Variants in FUT9 observed in about 807,000 individuals in gnomAD.
The protein encoded by FUT9 is fucosyltransferase 9.
In FUT9, 15 loss-of-function variants were observed where a neutral mutation model predicts 29.7. The observed-to-expected ratio is 0.51, with a 90% CI of 0.34 to 0.78. FUT9 has a LOEUF of 0.78. Ranked by LOEUF, FUT9 falls within the 30% of genes least tolerant of loss-of-function variation. The pLI is 0.01. For missense variants in FUT9, 319 were observed against 425.4 expected (o/e 0.75, Z 2.20); for synonymous variants, 169 against 153.7 (o/e 1.10, Z -0.74).
At chr6:96,152,082 A>G (rs1037543288) in intron 2 of FUT9, among the ~76,000 whole-genome samples, 1 of 152,198 alleles carries the variant, frequency 6.6e-6, no homozygotes, top group East Asian at 1.9e-4. Flanking sequence ...ATTTTTACAT[A>G]GGGAGAGATC....
rs9499261 is a variant in FUT9, at chr6:96,133,283, A to G, written c.-9+19156A>G. On this transcript the variant is annotated intron_variant, in intron 2 of 2. Coordinates refer to ENST00000302103, the MANE Select transcript of FUT9 (RefSeq NM_006581.4). ...AAAAAAATAGCCCTAGAAAGGTGGA[A>G]CTTTTAAGAAATTTTCCATAACCAG... 5.7e-3 allele frequency among the ~76,000 whole-genome samples: 866 copies of G among 152,120 alleles called. 9 individuals carry two copies. Among genetic ancestry groups the G allele is most frequent in the African/African-American group, 0.019 (805 of 41,538 alleles).
Position 96,058,468 on chromosome 6 carries a change from CA to C in FUT9, c.-98+42274del, listed in dbSNP as rs3079049. 2.9e-3 allele frequency among the ~76,000 whole-genome samples: 223 copies of C among 77,170 alleles called. 1 individual carries two copies. Among genetic ancestry groups the C allele is most frequent in the South Asian group, 9.6e-3 (17 of 1,774 alleles). The allele number at this position is 77,170 out of a possible 152,430, so 50.6% of individuals were successfully genotyped here. A position where few individuals can be genotyped will look rare whatever the true frequency, so the allele number is the denominator to read the frequency against. ...AAAGACTGGGAACCTGGCTTTATTC[CA>C]AAAAAAAAAAAAAAAAAGCCAGAAA... On this transcript the variant is annotated intron_variant, in intron 1 of 2. Transcript: ENST00000302103.
At chr6:96,108,623 T>C (rs1030897995) in intron 1 of FUT9, among the ~76,000 whole-genome samples, 4 of 152,134 alleles carry the variant, frequency 2.6e-5, no homozygotes, top group Non-Finnish European at 5.9e-5. Flanking sequence ...ATGTCTTCCA[T>C]TACACTCTCT....
chr6:96,051,012 C>CTG (rs57618987), intron 1 of FUT9, among the ~76,000 whole-genome samples: 2,670 of 149,636 alleles, frequency 0.018, 41 homozygotes, highest in African/African-American at 0.038. Context: ...CTCTCTCTCT[C>CTG]TGTGTGTGTG....
chr6:96,093,272 T>C (rs962084064), intron 1 of FUT9, among the ~76,000 whole-genome samples: 6 of 152,188 alleles, frequency 3.9e-5, no homozygotes, highest in African/African-American at 1.4e-4. Context: ...ACTAAATTGG[T>C]GAATGAATTG....
intron 2 of FUT9, among the ~76,000 whole-genome samples, chr6:96,184,960 A>G (rs1773378314): frequency 6.6e-6 from 1 of 152,038 alleles, no homozygotes; most frequent in African/African-American, 2.4e-5. Context: ...AGTAGCTCAT[A>G]GATAGAAATG....
chr6:96,100,696 A>G (rs1771573289), intron 1 of FUT9, among the ~76,000 whole-genome samples: 1 of 152,222 alleles, frequency 6.6e-6, no homozygotes, highest in Admixed American at 6.5e-5. Context: ...TAGAATTTGA[A>G]GAACCCCCTT....
At chr6:96,189,612 T>C (rs1198513439) in intron 2 of FUT9, among the ~76,000 whole-genome samples, 1 of 152,150 alleles carries the variant, frequency 6.6e-6, no homozygotes, top group Non-Finnish European at 1.5e-5. Flanking sequence ...CATATGTATT[T>C]AGGATAGTTA....
At chr6:96,030,840 G>A (rs771961215) in intron 1 of FUT9, among the ~76,000 whole-genome samples, 1 of 151,308 alleles carries the variant, frequency 6.6e-6, no homozygotes, top group Non-Finnish European at 1.5e-5. Context: ...CACTCAAAAG[G>A]CTACATGCTG....
chr6:96,209,886 C>G lies in FUT9; in HGVS notation c.*5651C>G, dbSNP rs368926824. On this transcript the variant is annotated 3_prime_UTR_variant, in exon 3 of 3. Coordinates refer to ENST00000302103, the MANE Select transcript of FUT9 (RefSeq NM_006581.4). ...AATTTCTTCAAATAATCCATGCCCC[C>G]CCGTCACCCAAAAAAAGAGCATGCT... 1.2e-5 allele frequency: 2 copies of G among 166,518 alleles called. No individual in the cohort carries two copies. The highest frequency in any genetic ancestry group is 2.4e-5 in the African/African-American group (1 of 41,380). 10.3% of individuals were successfully genotyped at this position (166,518 alleles called of 1,614,324 possible). A position where few individuals can be genotyped will look rare whatever the true frequency, so the allele number is the denominator to read the frequency against.
At chr6:96,069,153 A>G (rs1052203547) in intron 1 of FUT9, among the ~76,000 whole-genome samples, 1 of 152,048 alleles carries the variant, frequency 6.6e-6, no homozygotes, top group Admixed American at 6.6e-5. Context: ...CATCTCTACT[A>G]AAAATACAAA....
At position 96,208,441 on chromosome 6, in the gene FUT9, C is replaced by T. The variant is rs1386742214; in HGVS notation, c.*4206C>T. The T allele has an allele frequency of 6.0e-6, 1 of 166,654 alleles. No individual in the cohort carries two copies. Among genetic ancestry groups the T allele is most frequent in the Non-Finnish European group, 1.5e-5 (1 of 67,998 alleles). 10.3% of individuals were successfully genotyped at this position (166,654 alleles called of 1,614,324 possible). On this transcript the variant is annotated 3_prime_UTR_variant, in exon 3 of 3. Coordinates refer to ENST00000302103, the MANE Select transcript of FUT9 (RefSeq NM_006581.4). ...TGTTAAATATAACAAACATCAGAATCTAAAGGATAAGCACAGTGCCTAATG... is the reference window on the plus strand; with the variant it reads ...TGTTAAATATAACAAACATCAGAATTTAAAGGATAAGCACAGTGCCTAATG...
intron 1 of FUT9, among the ~76,000 whole-genome samples, chr6:96,038,947 C>T (rs887061138): frequency 9.9e-5 from 15 of 152,082 alleles, no homozygotes; most frequent in Admixed American, 6.6e-4. Flanking sequence ...CAGGTGTCAC[C>T]TCTTCCAGGA....
intron 2 of FUT9, among the ~76,000 whole-genome samples, chr6:96,180,907 A>G (rs1371546297): frequency 1.4e-5 from 2 of 146,966 alleles, no homozygotes; most frequent in Non-Finnish European, 3.0e-5. Context: ...GACTTAAGCA[A>G]ATGCTCCCAA....
chr6:96,210,481 A>G lies in FUT9; in HGVS notation c.*6246A>G, dbSNP rs1773917059. 6.0e-6 allele frequency: 1 copy of G among 166,768 alleles called. No homozygotes were observed. The highest frequency in any genetic ancestry group is 2.1e-4 in the South Asian group (1 of 4,834). 10.3% of individuals were successfully genotyped at this position (166,768 alleles called of 1,614,324 possible). A position where few individuals can be genotyped will look rare whatever the true frequency, so the allele number is the denominator to read the frequency against. On this transcript the variant is annotated 3_prime_UTR_variant, in exon 3 of 3. Transcript: ENST00000302103. ...AGAGCTGATCTATTTAGTTTGAGGA[A>G]GAGCCCAGAAGTCTAACAGGTGTAA...
At chr6:96,072,099 G>T (rs1044373751) in intron 1 of FUT9, among the ~76,000 whole-genome samples, 3 of 152,086 alleles carry the variant, frequency 2.0e-5, no homozygotes, top group Admixed American at 6.6e-5. Flanking sequence ...AAGAAGAAAA[G>T]AAAAGAAATA....
chr6:96,100,679 C>T (rs1003995187), intron 1 of FUT9, among the ~76,000 whole-genome samples: 4 of 152,044 alleles, frequency 2.6e-5, no homozygotes, highest in Non-Finnish European at 5.9e-5. Context: ...GAAGTGAAGA[C>T]GCAGGTTAGA....
chr6:96,121,939 C>A (rs1211739389), intron 2 of FUT9, among the ~76,000 whole-genome samples: 3 of 151,964 alleles, frequency 2.0e-5, no homozygotes, highest in African/African-American at 7.2e-5. Flanking sequence ...ATATTTAGAG[C>A]TTACACTGAA....
intron 2 of FUT9, among the ~76,000 whole-genome samples, chr6:96,153,883 A>T (rs990976308): frequency 1.3e-5 from 2 of 152,218 alleles, no homozygotes; most frequent in African/African-American, 4.8e-5. Flanking sequence ...TTTGCTAAGT[A>T]ATGGCCAGCA....
Sources: allele counts gnomAD v4.1 joint callset (sites outside exome capture counted in the v4.1 genomes callset), GRCh38; gene constraint gnomAD v4.1.1; transcripts MANE v1.5; gene names NCBI Gene and HGNC (gene_info 2026-07-23, HGNC 2026-07-21).